The following CENPF variants were observed in gnomAD, a reference collection of about 807,000 sequenced individuals.
CENPF encodes the protein AH antigen.
A neutral mutation model predicts 307.3 loss-of-function variants in CENPF; 214 were observed. That is an observed-to-expected ratio of 0.70 (90% CI 0.62 to 0.78). The LOEUF is 0.78. Among genes scored for constraint, CENPF ranks in the 30% least tolerant of loss-of-function variants. The probability of loss-of-function intolerance (pLI) is 0.00; values close to 1 mark genes in which losing one functional copy is unlikely to be tolerated. For synonymous variants in CENPF, 1,259 were observed against 1,270.6 expected (o/e 0.99, Z 0.19); for missense variants, 3,401 against 3,483.9 (o/e 0.98, Z 0.60).
chr1:214,647,947 G>A (rs1211373409), intron 13 of CENPF: 1 of 495,104 alleles, frequency 2.0e-6, no homozygotes, highest in Admixed American at 2.0e-5. Flanking sequence ...TTCTCTTTGT[G>A]CAGTCTTCTA....
In CENPF at chr1:214,651,878, A is replaced by G. The variant is rs1343503199; in HGVS notation, c.8152A>G (p.Asn2718Asp). 1.2e-5 allele frequency: 20 copies of G among 1,604,908 alleles called. No homozygotes were observed. Among genetic ancestry groups the G allele is most frequent in the Non-Finnish European group, 1.7e-5 (20 of 1,177,170 alleles). ...KKHQALLLDT[N>D]KQYEVEIQTY... ...ACACCAGGCTTTGCTTTTGGACACA[A>G]ACAAACAGGTGAAATGTGGGGTTTG... Residue 2718 changes from asparagine (N) to aspartate (D), a missense_variant, in exon 15 of 20, where the codon AAC becomes GAC. Coordinates refer to ENST00000366955, the MANE Select transcript of CENPF (RefSeq NM_016343.4).
chr1:214,646,338 T>C lies in CENPF; in HGVS notation c.6768T>C (p.Thr2256=). The C allele has an allele frequency of 6.2e-7, 1 of 1,613,958 alleles. No homozygotes were observed. The highest frequency in any genetic ancestry group is 1.1e-5 in the South Asian group (1 of 91,058). Residue 2256 remains threonine (T), a synonymous_variant, in exon 13 of 20, where the codon ACT becomes ACC. Coordinates refer to ENST00000366955, the MANE Select transcript of CENPF (RefSeq NM_016343.4). ...AEIQIKEESK[T]AVEMLQNQLK... is the part of the protein sequence containing the mutation. ...TACAGATCAAAGAAGAATCTAAAAC[T>C]GCAGTGGAGATGCTTCAGAATCAGT...
intron 10 of CENPF, 41 bp from the exon 11 acceptor site, chr1:214,637,825 G>A (rs779032849): frequency 7.6e-6 from 12 of 1,583,218 alleles, no homozygotes; most frequent in Non-Finnish European, 1.0e-5. Flanking sequence ...ACTTACTTGA[G>A]CATTCGTTTT....
At position 214,642,179 on chromosome 1, in the gene CENPF, A is replaced by G. The variant is rs1223033692; in HGVS notation, c.3841A>G (p.Thr1281Ala). ...TATTTCAGGGCCTCATGAGTTGTCA[A>G]CAAGTCAAAACGACAATGCACACCT... The part of the protein sequence containing the change: ...KYISGPHELS[T>A]SQNDNAHLQC... The change falls in exon 12 of 20, where the codon ACA becomes GCA. Residue 1281 changes from threonine (T) to alanine (A), a missense_variant. Coordinates refer to ENST00000366955, the MANE Select transcript of CENPF (RefSeq NM_016343.4). 6.2e-7 allele frequency: 1 copy of G among 1,614,190 alleles called. No individual in the cohort carries two copies. Among genetic ancestry groups the G allele is most frequent in the Non-Finnish European group, 8.5e-7 (1 of 1,180,032 alleles).
rs773086744 is a variant in CENPF, at chr1:214,648,673, A to G, written c.7831-2A>G. On this transcript the variant is annotated splice_acceptor_variant, in intron 13 of 19. Coordinates refer to ENST00000366955, the MANE Select transcript of CENPF (RefSeq NM_016343.4). LOFTEE classifies it high-confidence loss of function. The stretch of plus-strand genomic sequence containing the variant: ...AGATTCTAATGAAAGATGAAATTTC[A>G]GGTAAACAAAATGACTGCAAAGGAA... 9 of 1,611,516 alleles carry G rather than the reference A, an allele frequency of 5.6e-6. No homozygotes were observed. In the South Asian group the frequency reaches 1.0e-4, roughly 18 times the overall value.
chr1:214,663,649 C>G lies in CENPF; in HGVS notation c.9200C>G (p.Thr3067Arg). The change falls in exon 20 of 20, where the codon ACG becomes AGG. Residue 3067 changes from threonine (T) to arginine (R), a missense_variant. Coordinates refer to ENST00000366955, the MANE Select transcript of CENPF (RefSeq NM_016343.4). ...DSGTILREPT[T>R]KSVPVNNLPE... The stretch of plus-strand genomic sequence containing the variant: ...GGCACCATCCTCCGAGAACCCACCA[C>G]GAAATCCGTCCCAGTCAATAATCTT... The G allele has an allele frequency of 1.2e-6, 2 of 1,614,092 alleles. No individual in the cohort carries two copies. Among genetic ancestry groups the G allele is most frequent in the Non-Finnish European group, 1.7e-6 (2 of 1,180,020 alleles).
chr1:214,663,502 A>T, intron 19 of CENPF, 89 bp from the exon 20 acceptor site: 2 of 1,289,122 alleles, frequency 1.6e-6, no homozygotes. Context: ...GAAGAACTTA[A>T]TTTAAAACTT....
rs1348368488 is a variant in CENPF, at chr1:214,663,818, C to A, written c.*24C>A. The A allele has an allele frequency of 6.3e-7, 1 of 1,591,030 alleles. No individual in the cohort carries two copies. Among genetic ancestry groups the A allele is most frequent in the African/African-American group, 1.3e-5 (1 of 74,504 alleles). On this transcript the variant is annotated 3_prime_UTR_variant, in exon 20 of 20. Coordinates refer to ENST00000366955, the MANE Select transcript of CENPF (RefSeq NM_016343.4). ...GAAGGCACTTTGTGTGTCAGTACCC[C>A]TGGGAGGTGCCAGTCATTGAATAGA...
chr1:214,640,639 A>G lies in CENPF; in HGVS notation c.2301A>G (p.Leu767=), dbSNP rs778167124. The G allele has an allele frequency of 3.1e-6, 5 of 1,614,032 alleles. No individual in the cohort carries two copies. In the African/African-American group the frequency reaches 6.7e-5, roughly 22 times the overall value. ...AATATGAGAGCCTCAGGGATCTGCT[A>G]AAATCCAAAGATGCTTCTCTGGTGA... is the stretch of plus-strand genomic sequence containing the variant. ...HAEYESLRDL[L]KSKDASLVTN... Residue 767 remains leucine, a synonymous_variant, in exon 12 of 20, where the codon CTA becomes CTG. Transcript: ENST00000366955.
intron 1 of CENPF, chr1:214,605,756 T>C (rs572389748): frequency 7.7e-5 from 123 of 1,594,252 alleles, no homozygotes; most frequent in Middle Eastern, 2.3e-4. Context: ...GATGTCGTTG[T>C]GCCTGGTGCC....
At chr1:214,653,467 CTTT>C (rs5780800) in intron 16 of CENPF, 5,297 of 146,840 alleles carry the variant, frequency 0.036, 309 homozygotes, top group African/African-American at 0.13. Context: ...GATCATAGAA[CTTT>C]TTTTTTTTTT....
At chr1:214,604,155 C>T (rs1656962590) in intron 1 of CENPF, among the ~76,000 whole-genome samples, 5 of 152,076 alleles carry the variant, frequency 3.3e-5, no homozygotes, top group Admixed American at 3.3e-4. Context: ...ATTCTGACAA[C>T]GGGAAAGCAG....
At position 214,664,540 on chromosome 1, in the gene CENPF, T is replaced by G. The variant is rs1658869052; in HGVS notation, c.*746T>G. ...ATGGATTAACATATAGCCTTTGTTT[T>G]CTAATAAAATAGTCGCCTTCGTTTT... On this transcript the variant is annotated 3_prime_UTR_variant, in exon 20 of 20. Coordinates refer to ENST00000366955, the MANE Select transcript of CENPF (RefSeq NM_016343.4). The G allele has an allele frequency of 6.6e-6, 1 of 152,224 alleles. No homozygotes were observed. Among genetic ancestry groups the G allele is most frequent in the Admixed American group, 6.5e-5 (1 of 15,284 alleles). 9.4% of individuals were successfully genotyped at this position (152,224 alleles called of 1,614,324 possible).
chr1:214,624,899 C>G (rs1657610944), intron 7 of CENPF, among the ~76,000 whole-genome samples: 1 of 152,054 alleles, frequency 6.6e-6, no homozygotes, highest in Non-Finnish European at 1.5e-5. Flanking sequence ...CCACCTATAA[C>G]TGTGATTTGT....
Position 214,613,790 on chromosome 1 carries a change from GC to G in CENPF, c.38del (p.Pro13LeufsTer18). 6.2e-7 allele frequency: 1 copy of G among 1,611,908 alleles called. No individual in the cohort carries two copies. Among genetic ancestry groups the G allele is most frequent in the Non-Finnish European group, 8.5e-7 (1 of 1,179,334 alleles). Reference protein sequence around the residue: ...WALEEWKEGLPTRALQKIQEL... With the variant: ...WALEEWKEGLXTRALQKIQEL... ...CTTTGGAAGAATGGAAAGAAGGGCT[GC>G]CTACAAGAGCTCTTCAGAAAATTCA... is the stretch of plus-strand genomic sequence containing the variant. On this transcript the variant is annotated frameshift_variant, in exon 2 of 20. Transcript: ENST00000366955. LOFTEE classifies it high-confidence loss of function.
chr1:214,647,877 A>G (rs10494982), intron 13 of CENPF: 15,348 of 386,628 alleles, frequency 0.04, 458 homozygotes, highest in Middle Eastern at 0.13. Flanking sequence ...TAACCAACAG[A>G]GCACTCATGG....
intron 17 of CENPF, 33 bp downstream of exon 17, chr1:214,655,436 G>T (rs1309341854): frequency 2.0e-6 from 3 of 1,530,544 alleles, no homozygotes; most frequent in South Asian, 1.3e-5. Context: ...CAACTAGCCA[G>T]AACTCTTTTC....
intron 7 of CENPF, among the ~76,000 whole-genome samples, chr1:214,623,169 C>T (rs1008383265): frequency 1.3e-5 from 2 of 152,172 alleles, no homozygotes; most frequent in Admixed American, 6.5e-5. Context: ...AGAGATTGTG[C>T]CACTGCACTC....
In CENPF at chr1:214,621,736, G is replaced by A. The variant is rs190375632; in HGVS notation, c.866-343G>A. Among the ~76,000 whole-genome samples, 335 of 152,266 alleles carry A rather than the reference G, an allele frequency of 2.2e-3. 1 individual carries two copies. The highest frequency in any genetic ancestry group is 3.9e-3 in the Non-Finnish European group (262 of 68,016). On this transcript the variant is annotated intron_variant, in intron 6 of 19. Coordinates refer to ENST00000366955, the MANE Select transcript of CENPF (RefSeq NM_016343.4). ...AAAAACAAATATAGTTTGCTGTTGT[G>A]TAAAACTAAATGGTAATTTTAACAA...
Sources: allele counts gnomAD v4.1 joint callset (sites outside exome capture counted in the v4.1 genomes callset), GRCh38; gene constraint gnomAD v4.1.1; transcripts MANE v1.5; gene names NCBI Gene and HGNC (gene_info 2026-07-23, HGNC 2026-07-21).